The following FAF1 variants were observed in gnomAD, a reference collection of about 807,000 sequenced individuals.
FAF1 encodes FAS-associated factor 1.
A neutral mutation model predicts 92.5 loss-of-function variants in FAF1; 25 were observed. The observed-to-expected ratio is 0.27, with a 90% CI of 0.20 to 0.38. The LOEUF is 0.38. FAF1 is among the 10% of genes least tolerant of loss of function. The probability of loss-of-function intolerance (pLI) is 1.00; values close to 1 mark genes in which losing one functional copy is unlikely to be tolerated. For missense variants in FAF1, 636 were observed against 793.3 expected (o/e 0.80, Z 2.38); for synonymous variants, 234 against 273.2 (o/e 0.86, Z 1.42).
At chr1:50,578,332 C>T (rs990801153) in intron 12 of FAF1, among the ~76,000 whole-genome samples, 1 of 152,124 alleles carries the variant, frequency 6.6e-6, no homozygotes, top group African/African-American at 2.4e-5. Flanking sequence ...GCCACAGTAT[C>T]CGTCATATTT....
rs930381754 is a variant in FAF1 at position 50,913,857 on chromosome 1, A to T, written c.45+45910T>A. The stretch of plus-strand genomic sequence containing the variant: ...ATGGCCTGAGTAAACCATCCCCCAA[A>T]CCAATGCAGGTAATTTGTTCTGTTT... On this transcript the variant is annotated intron_variant, in intron 1 of 18. Coordinates refer to ENST00000396153, the MANE Select transcript of FAF1 (RefSeq NM_007051.3). Among the ~76,000 whole-genome samples the T allele has an allele frequency of 1.3e-4, 20 of 152,318 alleles. No individual in the cohort carries two copies. The East Asian group carries it at 3.9e-3, about 29-fold the overall frequency.
chr1:50,438,544 C>A lies in FAF1; in HGVS notation c.*2896G>T, dbSNP rs1322957486. 6.6e-6 allele frequency: 1 copy of A among 152,220 alleles called. No individual in the cohort carries two copies. Among genetic ancestry groups the A allele is most frequent in the Non-Finnish European group, 1.5e-5 (1 of 68,062 alleles). 9.4% of individuals were successfully genotyped at this position (152,220 alleles called of 1,614,324 possible). ...TCCAAGTCCCATCCACTTGTGGGGA[C>A]CCAGGACTGGATGGCTAAGGGACAG... On this transcript the variant is annotated 3_prime_UTR_variant, in exon 19 of 19. Transcript: ENST00000396153.
At chr1:50,556,841 CATAAAATAAA>C (rs201599977) in intron 13 of FAF1, among the ~76,000 whole-genome samples, 1 of 145,094 alleles carries the variant, frequency 6.9e-6, no homozygotes, top group Non-Finnish European at 1.5e-5. Flanking sequence ...CTGTCTCAAA[CATAAAATAAA>C]ATAATATAAA....
intron 15 of FAF1, among the ~76,000 whole-genome samples, chr1:50,499,270 T>G (rs983689173): frequency 6.6e-6 from 1 of 151,890 alleles, no homozygotes; most frequent in Non-Finnish European, 1.5e-5. Flanking sequence ...CAATGGTGAA[T>G]AGAAGTGATA....
chr1:50,519,481 AAG>A (rs1647394805), intron 15 of FAF1, among the ~76,000 whole-genome samples: 1 of 151,622 alleles, frequency 6.6e-6, no homozygotes, highest in African/African-American at 2.4e-5. Context: ...GAAGGAAGGA[AAG>A]AAAGAAAATA....
chr1:50,955,636 G>T (rs1335242772), intron 1 of FAF1, among the ~76,000 whole-genome samples: 2 of 152,132 alleles, frequency 1.3e-5, no homozygotes, highest in East Asian at 1.9e-4. Context: ...TAACTTCTGG[G>T]TATATATGCA....
intron 1 of FAF1, among the ~76,000 whole-genome samples, chr1:50,919,742 C>T (rs532548663): frequency 5.9e-5 from 9 of 152,168 alleles, no homozygotes; most frequent in African/African-American, 2.2e-4. Flanking sequence ...CAGCCTTGGC[C>T]TTTTACAGGC....
chr1:50,755,109 A>G (rs1311911473), intron 4 of FAF1, among the ~76,000 whole-genome samples: 2 of 152,084 alleles, frequency 1.3e-5, no homozygotes, highest in African/African-American at 4.8e-5. Context: ...ACAGTCCCCC[A>G]AAGTCTTAAC....
intron 5 of FAF1, among the ~76,000 whole-genome samples, chr1:50,741,481 G>A (rs1330229609): frequency 6.6e-6 from 1 of 152,180 alleles, no homozygotes; most frequent in Non-Finnish European, 1.5e-5. Context: ...TAATGGGAGA[G>A]TGATATAATT....
intron 7 of FAF1, among the ~76,000 whole-genome samples, chr1:50,659,090 C>T (rs1655256633): frequency 1.3e-5 from 2 of 151,882 alleles, no homozygotes; most frequent in African/African-American, 2.4e-5. Context: ...AACATAAAAA[C>T]GATTCTGAAA....
At position 50,548,374 on chromosome 1, in the gene FAF1, C is replaced by T. The variant is rs752021067; in HGVS notation, c.1269-8646G>A. ...AACTTGATGTTGTAAGGTGCAACTC[C>T]TAGGACAGCTAGTAGAAGAACCATT... On this transcript the variant is annotated intron_variant, in intron 13 of 18. Coordinates refer to ENST00000396153, the MANE Select transcript of FAF1 (RefSeq NM_007051.3). 9.3e-4 allele frequency among the ~76,000 whole-genome samples: 141 copies of T among 152,210 alleles called. 1 individual carries two copies. The highest frequency in any genetic ancestry group is 1.8e-3 in the Non-Finnish European group (125 of 67,998).
chr1:50,562,945 C>G (rs1361450385), intron 13 of FAF1, among the ~76,000 whole-genome samples: 1 of 152,184 alleles, frequency 6.6e-6, no homozygotes, highest in African/African-American at 2.4e-5. Context: ...AACATGTACA[C>G]TTTTTCCTTG....
At chr1:50,477,710 A>G (rs558422513) in intron 17 of FAF1, among the ~76,000 whole-genome samples, 1 of 152,352 alleles carries the variant, frequency 6.6e-6, no homozygotes, top group African/African-American at 2.4e-5. Context: ...TTCACTATTT[A>G]GTACCATAGT....
intron 4 of FAF1, chr1:50,780,926 T>A: frequency 6.1e-6 from 3 of 488,670 alleles, no homozygotes; most frequent in South Asian, 4.6e-5. Context: ...AGGGCCAGAA[T>A]TGTGGTGGAA....
At chr1:50,533,401 T>C (rs192945577) in intron 15 of FAF1, among the ~76,000 whole-genome samples, 315 of 151,906 alleles carry the variant, frequency 2.1e-3, no homozygotes, top group African/African-American at 7.3e-3. Flanking sequence ...TGTAACCAAA[T>C]TTTTTTTTCA....
At chr1:50,662,718 C>T (rs796846380) in intron 7 of FAF1, among the ~76,000 whole-genome samples, 13 of 95,340 alleles carry the variant, frequency 1.4e-4, no homozygotes, top group Middle Eastern at 0.015. Flanking sequence ...TTTTTTGAGA[C>T]GGAGTCTCCC....
At chr1:50,733,670 A>C (rs1178658816) in intron 6 of FAF1, among the ~76,000 whole-genome samples, 1 of 152,228 alleles carries the variant, frequency 6.6e-6, no homozygotes, top group Non-Finnish European at 1.5e-5. Flanking sequence ...CTTGTAAACC[A>C]GGAAGAGAGC....
chr1:50,523,683 T>C (rs2149031121), intron 15 of FAF1, among the ~76,000 whole-genome samples: 1 of 152,294 alleles, frequency 6.6e-6, no homozygotes, highest in Non-Finnish European at 1.5e-5. Flanking sequence ...TTATCAGATA[T>C]ATGATTTGCA....
At chr1:50,632,287 CT>C (rs1334739149) in intron 8 of FAF1, among the ~76,000 whole-genome samples, 1 of 152,172 alleles carries the variant, frequency 6.6e-6, no homozygotes, top group African/African-American at 2.4e-5. Flanking sequence ...GAGAGTTTAG[CT>C]TACATCTATT....
Sources: allele counts gnomAD v4.1 joint callset (sites outside exome capture counted in the v4.1 genomes callset), GRCh38; gene constraint gnomAD v4.1.1; transcripts MANE v1.5; gene names NCBI Gene and HGNC (gene_info 2026-07-23, HGNC 2026-07-21).